The following SAMD5 variants were observed in gnomAD, a reference collection of about 807,000 sequenced individuals.
SAMD5 encodes the protein sterile alpha motif domain containing 5.
A neutral mutation model predicts 11.3 loss-of-function variants in SAMD5; 13 were observed. The observed-to-expected ratio is 1.15, with a 90% confidence interval of 0.75 to 1.83. The LOEUF is 1.83. Ranked by LOEUF, SAMD5 falls within the 40% of genes most tolerant of loss-of-function variation. SAMD5 has a pLI of 0.00. For missense variants in SAMD5, 255 were observed against 239.1 expected (o/e 1.07, Z -0.44); for synonymous variants, 129 against 111.3 (o/e 1.16, Z -1.00).
intron 1 of SAMD5, among the ~76,000 whole-genome samples, chr6:147,528,311 G>T (rs1262616892): frequency 6.6e-6 from 1 of 152,180 alleles, no homozygotes; most frequent in Non-Finnish European, 1.5e-5. Flanking sequence ...TTTTCTCACA[G>T]TTCTGAAGGC....
intron 1 of SAMD5, among the ~76,000 whole-genome samples, chr6:147,635,860 A>T (rs1021976447): frequency 1.3e-5 from 2 of 152,192 alleles, no homozygotes; most frequent in African/African-American, 2.4e-5. Flanking sequence ...CCTGAAGGTC[A>T]CTCAAATCAG....
the SAMD5 span, among the ~76,000 whole-genome samples, chr6:147,744,876 C>T: frequency 1.8e-5 from 2 of 111,710 alleles, no homozygotes; most frequent in African/African-American, 8.8e-5. Context: ...CCAGCCTGGG[C>T]AACAGAGTAA....
intron 1 of SAMD5, among the ~76,000 whole-genome samples, chr6:147,720,489 C>A (rs1791535036): frequency 6.6e-6 from 1 of 151,588 alleles, no homozygotes; most frequent in Non-Finnish European, 1.5e-5. Flanking sequence ...TCCACGGTCT[C>A]CCCCAGCTCC....
At chr6:147,738,091 A>G (rs1036340873), downstream of SAMD5, among the ~76,000 whole-genome samples, 6 of 152,280 alleles carry the variant, frequency 3.9e-5, no homozygotes, top group African/African-American at 7.2e-5. Context: ...AACTTTATTG[A>G]TCAAATGCTA....
At chr6:147,530,069 A>G (rs564402420) in intron 1 of SAMD5, among the ~76,000 whole-genome samples, 7 of 152,280 alleles carry the variant, frequency 4.6e-5, no homozygotes, top group African/African-American at 1.7e-4. Context: ...TGTTTTTACC[A>G]TATATGGGGA....
the SAMD5 span, among the ~76,000 whole-genome samples, chr6:147,919,714 C>T: frequency 6.6e-5 from 10 of 152,298 alleles, no homozygotes; most frequent in Admixed American, 1.3e-4. Flanking sequence ...TTTGTCTTGA[C>T]TTTTAAAGTT....
At chr6:147,787,868 T>TATC in the SAMD5 span, among the ~76,000 whole-genome samples, 1 of 152,214 alleles carries the variant, frequency 6.6e-6, no homozygotes, top group Non-Finnish European at 1.5e-5. Context: ...TTACGTGTAC[T>TATC]ATCAGTAGCT....
intron 1 of SAMD5, chr6:147,737,250 T>A (rs1791817733): frequency 1.0e-6 from 1 of 956,410 alleles, no homozygotes; most frequent in Non-Finnish European, 1.4e-6. Context: ...CCCTTCACCG[T>A]GCTTTTTCAC....
At position 147,569,989 on chromosome 6, in the gene SAMD5, C is replaced by T. The variant is rs1016640808; in HGVS notation, c.*5533C>T. The T allele has an allele frequency of 7.1e-6, 7 of 984,640 alleles. No homozygotes were observed. Among genetic ancestry groups the T allele is most frequent in the South Asian group, 4.7e-5 (1 of 21,278 alleles). 61.0% of individuals were successfully genotyped at this position (984,640 alleles called of 1,614,324 possible). Reference sequence around the variant, plus strand: ...ACACTGTGATTTGCAAACATATGTCCGCTCTTCAATAAATGTTACGGCTTT... The same window carrying T: ...ACACTGTGATTTGCAAACATATGTCTGCTCTTCAATAAATGTTACGGCTTT... On this transcript the variant is annotated 3_prime_UTR_variant, in exon 2 of 2. Transcript: ENST00000367474.
chr6:147,730,300 C>G (rs1036788577), intron 1 of SAMD5: 4 of 330,104 alleles, frequency 1.2e-5, no homozygotes, highest in African/African-American at 4.3e-5. Flanking sequence ...TGTTGAGGGA[C>G]TAAACACAGA....
At chr6:147,671,239 A>G (rs1212186719) in intron 1 of SAMD5, among the ~76,000 whole-genome samples, 2 of 152,208 alleles carry the variant, frequency 1.3e-5, no homozygotes, top group Non-Finnish European at 2.9e-5. Flanking sequence ...GTCTCTGATC[A>G]CAGATCACCA....
rs561055234 is a variant in SAMD5, at chr6:147,639,606, G to A, written c.163-97711G>A. Reference sequence around the variant, plus strand: ...AACATTCTCCTCTTTTGTTAGCCAGGAATCCTGGAAGAATAGCAAGAGCAG... The same window carrying A: ...AACATTCTCCTCTTTTGTTAGCCAGAAATCCTGGAAGAATAGCAAGAGCAG... On this transcript the variant is annotated intron_variant, in intron 1 of 1. Transcript: ENST00000566741. 7.6e-4 allele frequency among the ~76,000 whole-genome samples: 116 copies of A among 152,306 alleles called. 1 individual carries two copies. Among genetic ancestry groups the A allele is most frequent in the South Asian group, 1.0e-3 (5 of 4,828 alleles).
At chr6:147,768,348 A>C in the SAMD5 span, among the ~76,000 whole-genome samples, 2 of 152,074 alleles carry the variant, frequency 1.3e-5, no homozygotes, top group South Asian at 2.1e-4. Flanking sequence ...AAATACAAAA[A>C]TTAGCCGGGC....
chr6:147,660,903 G>A (rs1288118555), intron 1 of SAMD5: 5 of 152,204 alleles, frequency 3.3e-5, no homozygotes, highest in Non-Finnish European at 7.3e-5. Context: ...ACTAATACAG[G>A]TAGGAACTGG....
chr6:147,837,354 A>G, the SAMD5 span, among the ~76,000 whole-genome samples: 1 of 152,210 alleles, frequency 6.6e-6, no homozygotes, highest in Non-Finnish European at 1.5e-5. Context: ...CATCTGGGTT[A>G]TCTAAATGGT....
Position 147,569,402 on chromosome 6 carries a change from G to A in SAMD5, c.*4946G>A. ...GGCTAAATTCCATGTTAAGAGCTAA[G>A]TAGTATTTTTTTCTTAACAATTTTG... On this transcript the variant is annotated 3_prime_UTR_variant, in exon 2 of 2. Transcript: ENST00000367474. 5.2e-6 allele frequency: 5 copies of A among 960,038 alleles called. No individual in the cohort carries two copies. Among genetic ancestry groups the A allele is most frequent in the African/African-American group, 1.8e-5 (1 of 56,830 alleles). 59.5% of individuals were successfully genotyped at this position (960,038 alleles called of 1,614,324 possible).
At chr6:147,553,588 C>T (rs1411662299) in intron 1 of SAMD5, among the ~76,000 whole-genome samples, 2 of 152,204 alleles carry the variant, frequency 1.3e-5, no homozygotes, top group African/African-American at 4.8e-5. Context: ...TTGGTCTGGG[C>T]TTTGTTCCTA....
At chr6:147,763,112 G>A in the SAMD5 span, among the ~76,000 whole-genome samples, 2 of 151,974 alleles carry the variant, frequency 1.3e-5, no homozygotes, top group African/African-American at 4.8e-5. Flanking sequence ...GACAGATACA[G>A]TCTGTCTTTA....
chr6:147,772,692 A>G, the SAMD5 span, among the ~76,000 whole-genome samples: 1 of 152,092 alleles, frequency 6.6e-6, no homozygotes, highest in African/African-American at 2.4e-5. Context: ...TGTGTCTCTG[A>G]GTGTCCAAAT....
Sources: gnomAD v4.1 joint callset for allele counts (sites outside exome capture counted in the v4.1 genomes callset) on GRCh38, gnomAD v4.1.1 for gene constraint, MANE v1.5 for transcripts, NCBI Gene and HGNC (gene_info 2026-07-23, HGNC 2026-07-21) for gene names.